Variants in TRPT1 observed in about 807,000 individuals in gnomAD.
The protein encoded by TRPT1 is tRNA 2'-phosphotransferase 1.
In TRPT1, 22 loss-of-function variants were observed where a neutral mutation model predicts 28.4. The observed-to-expected ratio is 0.78, with a 90% CI of 0.55 to 1.11. The LOEUF is 1.11. Ranked by LOEUF, TRPT1 falls within the 50% of genes least tolerant of loss-of-function variation. The pLI is 0.00. For synonymous variants in TRPT1, 137 were observed against 132.4 expected (o/e 1.03, Z -0.24); for missense variants, 308 against 317.7 (o/e 0.97, Z 0.23).
chr11:64,225,089 G>A, intron 3 of TRPT1, 119 bp from the exon 4 acceptor site: 1 of 1,142,954 alleles, frequency 8.7e-7, no homozygotes, highest in Non-Finnish European at 1.2e-6. Context: ...CATCCTCTGT[G>A]GGACCTTTAG....
rs770347293 is a variant in TRPT1 at position 64,224,918 on chromosome 11, G to A, written c.210C>T (p.Phe70=). 2.5e-6 allele frequency: 4 copies of A among 1,587,302 alleles called. No individual in the cohort carries two copies. The highest frequency in any genetic ancestry group is 3.4e-6 in the Non-Finnish European group (4 of 1,167,386). The stretch of plus-strand genomic sequence containing the variant: ...CCACGCGCTGCACATCTTCAGCAGA[G>A]AAGCCGCGGAACTGGGGCAACTGCA... ...TLLQLPQFRG[F]SAEDVQRVVD... is the part of the protein sequence containing the mutation. The change falls in exon 4 of 8, where the codon TTC becomes TTT. Residue 70 remains phenylalanine (F), a synonymous_variant. Coordinates refer to ENST00000317459, the MANE Select transcript of TRPT1 (RefSeq NM_001033678.4).
intron 2 of TRPT1, 60 bp downstream of exon 2, chr11:64,225,726 C>A: frequency 1.4e-6 from 2 of 1,422,420 alleles, no homozygotes; most frequent in Non-Finnish European, 9.6e-7. Context: ...TTCAGCTCCG[C>A]CCCCCAGCAA....
chr11:64,226,058 A>G lies in TRPT1; in HGVS notation c.-18T>C. On this transcript the variant is annotated 5_prime_UTR_variant, in exon 1 of 8. Coordinates refer to ENST00000317459, the MANE Select transcript of TRPT1 (RefSeq NM_001033678.4). ...CAGCAGGCCAGACTTGCCCAAGGTC[A>G]CACGGTCAGCCAGGAGCGCAGGGAG... 1 of 569,982 alleles carries G rather than the reference A, an allele frequency of 1.8e-6. No homozygotes were observed. Among genetic ancestry groups the G allele is most frequent in the Admixed American group, 3.3e-5 (1 of 30,442 alleles). The allele number at this position is 569,982 out of a possible 1,614,324, so 35.3% of individuals were successfully genotyped here. A position where few individuals can be genotyped will look rare whatever the true frequency, so the allele number is the denominator to read the frequency against.
intron 2 of TRPT1, 51 bp downstream of exon 2, chr11:64,225,735 A>G (rs1946966089): frequency 6.9e-7 from 1 of 1,446,550 alleles, no homozygotes; most frequent in Non-Finnish European, 9.4e-7. Flanking sequence ...GCCCCCCAGC[A>G]ACTCCCAGGG....
chr11:64,225,873 T>TG lies in TRPT1; in HGVS notation c.-9-5dup. The stretch of plus-strand genomic sequence containing the variant: ...CAGAGAAGTTCATGGTTAAGACCTG[T>TG]GGGGGGCAGTGACGAGGGGGGACTG... On this transcript the variant is annotated splice_region_variant and splice_polypyrimidine_tract_variant and intron_variant, in intron 1 of 7. Coordinates refer to ENST00000317459, the MANE Select transcript of TRPT1 (RefSeq NM_001033678.4). The TG allele has an allele frequency of 1.3e-6, 2 of 1,540,602 alleles. No homozygotes were observed. The highest frequency in any genetic ancestry group is 1.8e-6 in the Non-Finnish European group (2 of 1,136,742).
In TRPT1 at chr11:64,224,631, T is replaced by C. The variant is rs370542082; in HGVS notation, c.414A>G (p.Pro138=). ...LVHGTFWKHW[P]SILLKGLSCQ... Reference sequence around the variant, plus strand: ...AGGACAGGCCTTTGAGTAGGATGGATGGCCAGTGCTTCCAGAATGTACCAT... The same window carrying C: ...AGGACAGGCCTTTGAGTAGGATGGACGGCCAGTGCTTCCAGAATGTACCAT... The change falls in exon 5 of 8, where the codon CCA becomes CCG. Residue 138 remains proline, a synonymous_variant. Coordinates refer to ENST00000317459, the MANE Select transcript of TRPT1 (RefSeq NM_001033678.4). 1.9e-5 allele frequency: 30 copies of C among 1,608,538 alleles called. No homozygotes were observed. The African/African-American group carries it at 3.6e-4, about 19-fold the overall frequency.
Position 64,224,177 on chromosome 11 carries a change from A to G in TRPT1, c.593T>C (p.Val198Ala). Residue 198 changes from valine to alanine, a missense_variant, in exon 7 of 8, where the codon GTG becomes GCG. Coordinates refer to ENST00000317459, the MANE Select transcript of TRPT1 (RefSeq NM_001033678.4). ...ATCAGTATTCCCTGGAGTCAGAATCACCCCATTGGCAGAGCGGAAGAAGGG... is the reference window on the plus strand; with the variant it reads ...ATCAGTATTCCCTGGAGTCAGAATCGCCCCATTGGCAGAGCGGAAGAAGGG... Reference protein sequence around the residue: ...GIPFFRSANGVILTPGNTDGF... With the variant: ...GIPFFRSANGAILTPGNTDGF... 1 of 1,607,524 alleles carries G rather than the reference A, an allele frequency of 6.2e-7. No homozygotes were observed. Among genetic ancestry groups the G allele is most frequent in the Non-Finnish European group, 8.5e-7 (1 of 1,175,506 alleles).
At chr11:64,226,208 G>A (rs1947010132), upstream of TRPT1, 4 of 317,966 alleles carry the variant, frequency 1.3e-5, no homozygotes, top group Non-Finnish European at 2.1e-5. Context: ...ATCCTCGACC[G>A]CGGCGGACCC....
intron 1 of TRPT1, 71 bp downstream of exon 1, chr11:64,225,979 G>C: frequency 1.5e-6 from 1 of 669,952 alleles, no homozygotes. Context: ...GGAGTATACG[G>C]CTCATTAAGT....
At chr11:64,224,457 G>A in intron 5 of TRPT1, 86 bp downstream of exon 5, 1 of 1,588,160 alleles carries the variant, frequency 6.3e-7, no homozygotes, top group Non-Finnish European at 8.6e-7. Flanking sequence ...GACATGGGGT[G>A]GCCCCAGACA....
At position 64,223,871 on chromosome 11, in the gene TRPT1, A is replaced by G; in HGVS notation, c.*5T>C. The stretch of plus-strand genomic sequence containing the variant: ...TTTAAAATTTCTTTTTTATAAATTA[A>G]TATTTTATTGTTGGATCCTCCTCCT... On this transcript the variant is annotated 3_prime_UTR_variant, in exon 8 of 8. Coordinates refer to ENST00000317459, the MANE Select transcript of TRPT1 (RefSeq NM_001033678.4). The G allele has an allele frequency of 6.4e-7, 1 of 1,564,846 alleles. No individual in the cohort carries two copies. Among genetic ancestry groups the G allele is most frequent in the Non-Finnish European group, 8.7e-7 (1 of 1,152,262 alleles).
In TRPT1 at chr11:64,224,673, C is replaced by T. The variant is rs1287244968; in HGVS notation, c.372G>A (p.Leu124=). ...ELMPLETPQA[L]PPMLVHGTFW... is the part of the protein sequence containing the mutation. ...ATGTACCATGGACTAGCATCGGGGG[C>T]AGGGCCTGCGGTGTCTCCAGGGGCA... is the stretch of plus-strand genomic sequence containing the variant. Residue 124 remains leucine (L), a synonymous_variant, in exon 5 of 8, where the codon CTG becomes CTA. Coordinates refer to ENST00000317459, the MANE Select transcript of TRPT1 (RefSeq NM_001033678.4). 1 of 1,603,692 alleles carries T rather than the reference C, an allele frequency of 6.2e-7. No homozygotes were observed.
Position 64,223,971 on chromosome 11 carries a change from A to G in TRPT1, c.671-4T>C. ...CCAGCCAAGGAAAGGGGCTTTCCTG[A>G]TAAAGACAAGAGTTGGTTAGAGAAA... is the stretch of plus-strand genomic sequence containing the variant. On this transcript the variant is annotated splice_polypyrimidine_tract_variant and splice_region_variant and intron_variant, in intron 7 of 7. Transcript: ENST00000317459. 1 of 1,612,758 alleles carries G rather than the reference A, an allele frequency of 6.2e-7. No individual in the cohort carries two copies. Among genetic ancestry groups the G allele is most frequent in the Non-Finnish European group, 8.5e-7 (1 of 1,178,904 alleles).
At chr11:64,226,210 G>T (rs1160673690), upstream of TRPT1, 6 of 393,602 alleles carry the variant, frequency 1.5e-5, no homozygotes, top group Non-Finnish European at 2.1e-5. Context: ...CCTCGACCGC[G>T]GCGGACCCGC....
chr11:64,224,773 C>T (rs766263915), intron 4 of TRPT1, 28 bp downstream of exon 4: 3 of 1,610,758 alleles, frequency 1.9e-6, no homozygotes, highest in African/African-American at 1.3e-5. Flanking sequence ...CCTCCCATCT[C>T]GTCTCGCACT....
Position 64,224,592 on chromosome 11 carries a change from C to A in TRPT1, c.453G>T (p.Thr151=). The part of the protein sequence containing the change: ...LLKGLSCQGR[T]HIHLAPGLPG... The stretch of plus-strand genomic sequence containing the variant: ...GCAGTCCTGGGGCCAGGTGAATGTG[C>A]GTCCTTCCCTGGCAGGACAGGCCTT... Residue 151 remains threonine (T), a synonymous_variant, in exon 5 of 8, where the codon ACG becomes ACT. Coordinates refer to ENST00000317459, the MANE Select transcript of TRPT1 (RefSeq NM_001033678.4). 6.3e-7 allele frequency: 1 copy of A among 1,593,408 alleles called. No homozygotes were observed. The highest frequency in any genetic ancestry group is 8.6e-7 in the Non-Finnish European group (1 of 1,168,696).
At chr11:64,226,216 C>A, upstream of TRPT1, 1 of 262,888 alleles carries the variant, frequency 3.8e-6, no homozygotes. Context: ...CCGCGGCGGA[C>A]CCGCCAATGA....
chr11:64,224,948 G>A lies in TRPT1; in HGVS notation c.180C>T (p.Thr60=). ...MGADGFVPLG[T]LLQLPQFRGF... ...CGCGGAACTGGGGCAACTGCAGGAG[G>A]GTGCCCAGGGGCACGAAGCCATCTG... Residue 60 remains threonine (T), a synonymous_variant, in exon 4 of 8, where the codon ACC becomes ACT. Coordinates refer to ENST00000317459, the MANE Select transcript of TRPT1 (RefSeq NM_001033678.4). 2 of 1,565,902 alleles carry A rather than the reference G, an allele frequency of 1.3e-6. No homozygotes were observed. The highest frequency in any genetic ancestry group is 1.7e-6 in the Non-Finnish European group (2 of 1,155,552).
At chr11:64,225,364 C>G in intron 3 of TRPT1, 135 bp downstream of exon 3, 1 of 712,820 alleles carries the variant, frequency 1.4e-6, no homozygotes, top group South Asian at 1.8e-5. Flanking sequence ...AGGCCTTGCT[C>G]TCCTCTGTGC....
Sources: allele counts gnomAD v4.1 joint callset, GRCh38; gene constraint gnomAD v4.1.1; transcripts MANE v1.5; gene names NCBI Gene and HGNC (gene_info 2026-07-23, HGNC 2026-07-21).